Variants in CRB1 observed in about 807,000 individuals in gnomAD.
The protein encoded by CRB1 is crumbs cell polarity complex component 1.
In CRB1, 83 loss-of-function variants were observed where a neutral mutation model predicts 120.0. The observed-to-expected ratio is 0.69, with a 90% CI of 0.58 to 0.83. The LOEUF (loss-of-function observed/expected upper bound fraction) is 0.83, where lower values mean the gene tolerates loss of function less well. Among genes scored for constraint, CRB1 ranks in the 40% least tolerant of loss-of-function variants. The pLI is 0.00. For synonymous variants in CRB1, 625 were observed against 612.5 expected (o/e 1.02, Z -0.30); for missense variants, 1,699 against 1,687.6 (o/e 1.01, Z -0.12).
chr1:197,470,506 A>G (rs1666936490), intron 11 of CRB1, among the ~76,000 whole-genome samples: 1 of 152,222 alleles, frequency 6.6e-6, no homozygotes, highest in Non-Finnish European at 1.5e-5. Flanking sequence ...GCATAATGAA[A>G]TATAACTGAG....
chr1:197,441,917 A>G (rs897619318), intron 10 of CRB1: 3 of 504,796 alleles, frequency 5.9e-6, no homozygotes, highest in African/African-American at 3.8e-5. Flanking sequence ...ATTTGCATCT[A>G]TTTTCTCATT....
intron 1 of CRB1, among the ~76,000 whole-genome samples, chr1:197,273,269 G>T (rs902258498): frequency 6.6e-6 from 1 of 151,972 alleles, no homozygotes; most frequent in Non-Finnish European, 1.5e-5. Flanking sequence ...GGAGTTATGG[G>T]CTATTGGAAT....
intron 1 of CRB1, among the ~76,000 whole-genome samples, chr1:197,311,006 C>T (rs990434758): frequency 8.6e-5 from 13 of 151,992 alleles, no homozygotes; most frequent in South Asian, 2.1e-4. Flanking sequence ...TAGAAATTTC[C>T]GATGAATTAA....
intron 1 of CRB1, among the ~76,000 whole-genome samples, chr1:197,276,144 G>A (rs538092757): frequency 5.3e-5 from 8 of 151,830 alleles, no homozygotes; most frequent in Non-Finnish European, 8.8e-5. Context: ...CAAAACCAAA[G>A]GCAGTGTACT....
intron 1 of CRB1, among the ~76,000 whole-genome samples, chr1:197,298,201 A>G (rs6679097): frequency 0.081 from 12,305 of 152,174 alleles, 1,716 homozygotes; most frequent in African/African-American, 0.28. Flanking sequence ...GATGGAAAAT[A>G]AAGAGAGGCA....
chr1:197,298,331 A>G (rs1656660194), intron 1 of CRB1, among the ~76,000 whole-genome samples: 1 of 152,072 alleles, frequency 6.6e-6, no homozygotes, highest in African/African-American at 2.4e-5. Flanking sequence ...ATGTATATGG[A>G]TGTAGATAAG....
chr1:197,271,245 T>C (rs2125198792), intron 1 of CRB1, among the ~76,000 whole-genome samples: 2 of 152,252 alleles, frequency 1.3e-5, no homozygotes, highest in South Asian at 4.1e-4. Context: ...ATTAATATCA[T>C]ATTAATTGAA....
intron 1 of CRB1, among the ~76,000 whole-genome samples, chr1:197,304,741 A>C (rs757926008): frequency 6.6e-6 from 1 of 152,210 alleles, no homozygotes; most frequent in Non-Finnish European, 1.5e-5. Flanking sequence ...TGATGACATG[A>C]GGATCTTGGC....
chr1:197,207,791 C>T, the CRB1 span, among the ~76,000 whole-genome samples: 20 of 151,918 alleles, frequency 1.3e-4, no homozygotes, highest in African/African-American at 4.8e-4. Flanking sequence ...AATTTTTTTT[C>T]GATTAGTCCC....
intron 11 of CRB1, among the ~76,000 whole-genome samples, chr1:197,449,106 T>C (rs1315559178): frequency 1.3e-5 from 2 of 152,220 alleles, no homozygotes; most frequent in Non-Finnish European, 2.9e-5. Context: ...ATAGCAACTA[T>C]GTCAGTGTGC....
rs562095610 is a variant in CRB1, at chr1:197,364,979, T to C, written c.1171+7966T>C. ...TATGCTGGACATTTTAGATATTAAG[T>C]TAGGAGACTCCATGTCTTCTTTGAA... is the stretch of plus-strand genomic sequence containing the variant. On this transcript the variant is annotated intron_variant, in intron 5 of 11. Coordinates refer to ENST00000367400, the MANE Select transcript of CRB1 (RefSeq NM_201253.3). 2.0e-5 allele frequency among the ~76,000 whole-genome samples: 3 copies of C among 152,330 alleles called. No homozygotes were observed. In the Middle Eastern group the frequency reaches 0.01, roughly 518 times the overall value.
the CRB1 span, among the ~76,000 whole-genome samples, chr1:197,227,817 G>A: frequency 1.7e-4 from 26 of 152,128 alleles, no homozygotes; most frequent in Non-Finnish European, 2.9e-4. Flanking sequence ...TGAGGGCCCC[G>A]CTCCTGCAGC....
chr1:197,259,602 G>C, the CRB1 span, among the ~76,000 whole-genome samples: 1 of 152,032 alleles, frequency 6.6e-6, no homozygotes, highest in Non-Finnish European at 1.5e-5. Flanking sequence ...CTAGGTGATG[G>C]GTTGATTGGT....
intron 5 of CRB1, among the ~76,000 whole-genome samples, chr1:197,417,026 C>A (rs1025609864): frequency 3.3e-5 from 5 of 152,268 alleles, no homozygotes; most frequent in Middle Eastern, 3.4e-3. Flanking sequence ...ATACTTATGT[C>A]AGGGATGTGT....
chr1:197,301,207 C>T (rs1458912727), intron 1 of CRB1, among the ~76,000 whole-genome samples: 1 of 151,682 alleles, frequency 6.6e-6, no homozygotes, highest in Admixed American at 6.6e-5. Flanking sequence ...ACTCTATCAC[C>T]CAGGCTGGAG....
chr1:197,476,039 C>T (rs767669232), intron 11 of CRB1, among the ~76,000 whole-genome samples: 12 of 151,914 alleles, frequency 7.9e-5, no homozygotes, highest in African/African-American at 2.2e-4. Context: ...CCTCCCAAGT[C>T]GTTGGGATTA....
chr1:197,211,231 C>T, the CRB1 span, among the ~76,000 whole-genome samples: 1 of 152,152 alleles, frequency 6.6e-6, no homozygotes, highest in African/African-American at 2.4e-5. Flanking sequence ...GTGAACCACA[C>T]CAAATAAACC....
chr1:197,232,679 T>C, the CRB1 span, among the ~76,000 whole-genome samples: 5 of 152,166 alleles, frequency 3.3e-5, no homozygotes, highest in Admixed American at 1.3e-4. Flanking sequence ...ATTCATTGAC[T>C]GAAGGAGAGG....
chr1:197,363,358 G>A (rs1660883688), intron 5 of CRB1, among the ~76,000 whole-genome samples: 3 of 151,816 alleles, frequency 2.0e-5, no homozygotes, highest in African/African-American at 7.3e-5. Flanking sequence ...GGTTTACAGA[G>A]CTTTCTTTAG....
Sources: allele counts gnomAD v4.1 joint callset (sites outside exome capture counted in the v4.1 genomes callset), GRCh38; gene constraint gnomAD v4.1.1; transcripts MANE v1.5; gene names NCBI Gene and HGNC (gene_info 2026-07-23, HGNC 2026-07-21).